Variants in RTN1 observed in about 807,000 individuals in gnomAD.
RTN1 encodes reticulon-1.
Under a neutral mutation model 65.5 loss-of-function variants are expected in RTN1, and 25 were observed. The ratio of observed to expected loss-of-function variants is 0.38; its 90% confidence interval spans 0.28 to 0.53. The LOEUF (loss-of-function observed/expected upper bound fraction) is 0.53, where lower values mean the gene tolerates loss of function less well. Among genes scored for constraint, RTN1 ranks in the 20% least tolerant of loss-of-function variants. The pLI, the probability that RTN1 is intolerant of heterozygous loss-of-function variation, is 0.79. For synonymous variants in RTN1, 471 were observed against 447.6 expected, an observed-to-expected ratio of 1.05 and a Z score of -0.66; for missense variants, 983 against 1,025.4, an observed-to-expected ratio of 0.96 and a Z score of 0.57.
intron 1 of RTN1, among the ~76,000 whole-genome samples, chr14:59,838,137 T>C (rs1046572502): frequency 3.3e-5 from 5 of 152,196 alleles, no homozygotes; most frequent in African/African-American, 1.2e-4. Context: ...GTGTCAATTG[T>C]TCCTGTCTTT....
intron 1 of RTN1, among the ~76,000 whole-genome samples, chr14:59,755,949 G>C (rs971993803): frequency 6.6e-6 from 1 of 152,180 alleles, no homozygotes; most frequent in African/African-American, 2.4e-5. Context: ...CAGAATAATA[G>C]ATTTCGCTTT....
intron 3 of RTN1, among the ~76,000 whole-genome samples, chr14:59,650,404 C>A (rs1334786683): frequency 6.6e-6 from 1 of 152,102 alleles, no homozygotes; most frequent in Admixed American, 6.5e-5. Flanking sequence ...TATCCCAGAA[C>A]TTAAAGTAAA....
intron 6 of RTN1, chr14:59,603,634 G>GA (rs958629622): frequency 1.1e-4 from 37 of 336,448 alleles, no homozygotes; most frequent in East Asian, 3.3e-4. Context: ...TATGTTTGAA[G>GA]AAAAAAAACC....
intron 3 of RTN1, among the ~76,000 whole-genome samples, chr14:59,640,864 C>T (rs964710610): frequency 6.6e-6 from 1 of 150,708 alleles, no homozygotes; most frequent in South Asian, 2.1e-4. Flanking sequence ...TATTTCATTC[C>T]ATTTTGTTTC....
chr14:59,605,604 G>A, intron 4 of RTN1, 98 bp from the exon 5 acceptor site: 1 of 1,291,852 alleles, frequency 7.7e-7, no homozygotes, highest in Non-Finnish European at 1.1e-6. Flanking sequence ...CTCTCACTCT[G>A]AGGGTGAGAG....
chr14:59,729,971 C>T lies in RTN1; in HGVS notation c.1016-2303G>A, dbSNP rs1399386993. On this transcript the variant is annotated intron_variant, in intron 2 of 8. Coordinates refer to ENST00000267484, the MANE Select transcript of RTN1 (RefSeq NM_021136.3). The stretch of plus-strand genomic sequence containing the variant: ...TCCAGCTCTTAGCAGGCTTCAAGAA[C>T]GCTGTTCCTTCCTCTTGGTCTTTAG... 3.9e-5 allele frequency among the ~76,000 whole-genome samples: 6 copies of T among 152,306 alleles called. No homozygotes were observed. In the East Asian group the frequency reaches 5.8e-4, roughly 15 times the overall value.
intron 3 of RTN1, chr14:59,630,809 G>C: frequency 9.7e-7 from 1 of 1,026,086 alleles, no homozygotes; most frequent in African/African-American, 1.7e-5. Context: ...CGGGTAAAGC[G>C]GTTCTGGCCG....
chr14:59,856,201 T>C (rs1317004037), intron 1 of RTN1, among the ~76,000 whole-genome samples: 1 of 152,214 alleles, frequency 6.6e-6, no homozygotes, highest in Non-Finnish European at 1.5e-5. Context: ...TTATTTTATA[T>C]GCAATGTCCA....
At chr14:59,746,633 C>A (rs1018612575) in intron 1 of RTN1, 152 bp from the exon 2 acceptor site, 2 of 627,682 alleles carry the variant, frequency 3.2e-6, no homozygotes, top group African/African-American at 3.7e-5. Flanking sequence ...AGAGCACCAG[C>A]ATGTTAAATT....
At chr14:59,795,837 A>G (rs975422866) in intron 1 of RTN1, among the ~76,000 whole-genome samples, 1 of 152,194 alleles carries the variant, frequency 6.6e-6, no homozygotes, top group African/African-American at 2.4e-5. Context: ...TTCTCATCTC[A>G]ATGCCCCAGT....
In RTN1 at chr14:59,727,304, G is replaced by C. The variant is rs563678292; in HGVS notation, c.1380C>G (p.Ala460=). Residue 460 remains alanine, a synonymous_variant, in exon 3 of 9, where the codon GCC becomes GCG. Transcript: ENST00000267484. The surrounding 1 kb of genome is among the most constrained non-coding windows in gnomAD (Gnocchi z 4.2). ...CGATGATGAGCTCGCTGTCCAGCTC[G>C]GCCTCGCGCTCCTCCCTCAGGATGC... The part of the protein sequence containing the change: ...QYSILREERE[A]ELDSELIIES... The C allele has an allele frequency of 6.7e-7, 1 of 1,494,186 alleles. No individual in the cohort carries two copies. Among genetic ancestry groups the C allele is most frequent in the Non-Finnish European group, 8.9e-7 (1 of 1,121,536 alleles). 92.6% of individuals were successfully genotyped at this position (1,494,186 alleles called of 1,614,324 possible). A position where few individuals can be genotyped will look rare whatever the true frequency, so the allele number is the denominator to read the frequency against.
chr14:59,808,172 C>A (rs1886669406), intron 1 of RTN1, among the ~76,000 whole-genome samples: 1 of 152,170 alleles, frequency 6.6e-6, no homozygotes, highest in Admixed American at 6.5e-5. Flanking sequence ...CCAGATAATG[C>A]CCCAAACCCC....
intron 3 of RTN1, among the ~76,000 whole-genome samples, chr14:59,627,610 T>C (rs1216114276): frequency 6.6e-6 from 1 of 152,232 alleles, no homozygotes; most frequent in Non-Finnish European, 1.5e-5. Flanking sequence ...CAATATTTGG[T>C]GGTAGTATAA....
rs996744711 is a variant in RTN1 at position 59,869,581 on chromosome 14, G to T, written c.241+809C>A. On this transcript the variant is annotated intron_variant, in intron 1 of 8. Transcript: ENST00000267484. The stretch of plus-strand genomic sequence containing the variant: ...CAAACCCAGGGCAATTTCCGGGGTG[G>T]GGGGGGGGGGGCGCTTAGACTGCTG... Among the ~76,000 whole-genome samples the T allele has an allele frequency of 3.5e-3, 199 of 57,550 alleles. 6 individuals carry two copies. Among genetic ancestry groups the T allele is most frequent in the African/African-American group, 0.032 (177 of 5,530 alleles). 37.8% of individuals were successfully genotyped at this position (57,550 alleles called of 152,430 possible).
intron 1 of RTN1, among the ~76,000 whole-genome samples, chr14:59,827,598 A>G (rs1887056792): frequency 6.6e-6 from 1 of 152,204 alleles, no homozygotes; most frequent in South Asian, 2.1e-4. Context: ...ATCAGCTCCA[A>G]GAACTATTCA....
At chr14:59,729,305 C>T (rs2139482190) in intron 2 of RTN1, among the ~76,000 whole-genome samples, 1 of 152,236 alleles carries the variant, frequency 6.6e-6, no homozygotes, top group South Asian at 2.1e-4. Flanking sequence ...TGTAGGATCT[C>T]ATGGGGCTTT....
rs546649972 is a variant in RTN1 at position 59,656,295 on chromosome 14, A to G, written c.1766-48803T>C. The stretch of plus-strand genomic sequence containing the variant: ...AAATGTTTTGAAATCACATAACTGC[A>G]TAACTTTGTGAATATGCTAAAAACT... On this transcript the variant is annotated intron_variant, in intron 3 of 8. Transcript: ENST00000267484. Among the ~76,000 whole-genome samples the G allele has an allele frequency of 2.0e-5, 3 of 152,354 alleles. No homozygotes were observed. The South Asian group carries it at 6.2e-4, about 32-fold the overall frequency.
intron 8 of RTN1, among the ~76,000 whole-genome samples, chr14:59,599,784 T>C (rs538452188): frequency 4.6e-5 from 7 of 152,206 alleles, no homozygotes; most frequent in Non-Finnish European, 1.0e-4. Context: ...TTATCAAATA[T>C]AACATCTAGA....
chr14:59,808,121 T>C (rs1566733779), intron 1 of RTN1, among the ~76,000 whole-genome samples: 1 of 152,226 alleles, frequency 6.6e-6, no homozygotes, highest in Non-Finnish European at 1.5e-5. Flanking sequence ...ATCTTTGTTA[T>C]AGATTAACTG....
Sources: gnomAD v4.1 joint callset for allele counts (sites outside exome capture counted in the v4.1 genomes callset) on GRCh38, gnomAD v4.1.1 for gene constraint, Gnocchi (gnomAD v3.1) non-coding constraint, MANE v1.5 for transcripts, NCBI Gene and HGNC (gene_info 2026-07-23, HGNC 2026-07-21) for gene names.